Variants in ERMARD observed in about 807,000 individuals in gnomAD.
ERMARD encodes the protein ER membrane associated RNA degradation, also known as endoplasmic reticulum membrane-associated RNA degradation protein.
A neutral mutation model predicts 83.9 loss-of-function variants in ERMARD; 71 were observed. The ratio of observed to expected loss-of-function variants is 0.85; its 90% CI spans 0.70 to 1.03. ERMARD has a LOEUF of 1.03. Ranked by LOEUF, ERMARD falls within the 50% of genes least tolerant of loss-of-function variation. ERMARD has a pLI of 0.00. For missense variants in ERMARD, 838 were observed against 810.9 expected (o/e 1.03, Z -0.41); for synonymous variants, 284 against 298.6 (o/e 0.95, Z 0.50).
chr6:169,777,042 T>TGG (rs1230380583), intron 16 of ERMARD, among the ~76,000 whole-genome samples: 2 of 152,056 alleles, frequency 1.3e-5, no homozygotes, highest in Non-Finnish European at 2.9e-5. Context: ...AATACAAAGG[T>TGG]GGGGGCCTTC....
chr6:169,752,257 A>G (rs1304150628), intron 1 of ERMARD, among the ~76,000 whole-genome samples: 1 of 152,284 alleles, frequency 6.6e-6, no homozygotes, highest in South Asian at 2.1e-4. Context: ...TTTGAGTACT[A>G]TGTGCTAGAT....
At chr6:169,759,514 G>A (rs1791248800) in intron 6 of ERMARD, among the ~76,000 whole-genome samples, 1 of 152,172 alleles carries the variant, frequency 6.6e-6, no homozygotes, top group East Asian at 1.9e-4. Context: ...CCTCCTCCCA[G>A]GCTTAAGTGA....
intron 12 of ERMARD, among the ~76,000 whole-genome samples, chr6:169,772,727 G>T (rs910889283): frequency 2.7e-5 from 4 of 145,944 alleles, no homozygotes; most frequent in African/African-American, 1.0e-4. Flanking sequence ...CCGAGATCGC[G>T]CCAGTGCACT....
chr6:169,767,950 A>G (rs1161571200), intron 10 of ERMARD, 153 bp from the exon 11 acceptor site: 1 of 624,904 alleles, frequency 1.6e-6, no homozygotes, highest in Non-Finnish European at 2.9e-6. Flanking sequence ...TTTCCTGAAC[A>G]CCTGTTTGCT....
At chr6:169,773,059 A>T (rs4145078) in intron 12 of ERMARD, 2 of 378,154 alleles carry the variant, frequency 5.3e-6, no homozygotes, top group South Asian at 1.1e-4. Context: ...TTTCTTATTC[A>T]TCTCCAGTTT....
chr6:169,769,836 C>A, intron 12 of ERMARD, 123 bp downstream of exon 12: 1 of 883,880 alleles, frequency 1.1e-6, no homozygotes, highest in Non-Finnish European at 1.6e-6. Flanking sequence ...CAGTATCCTC[C>A]ATCAGAAAAA....
chr6:169,757,957 G>C (rs1327578581), intron 5 of ERMARD, among the ~76,000 whole-genome samples: 2 of 152,226 alleles, frequency 1.3e-5, no homozygotes, highest in African/African-American at 4.8e-5. Flanking sequence ...GGCCCCTTCA[G>C]CTGCCAGGTC....
In ERMARD at chr6:169,769,712, A is replaced by AGG. The variant is rs1792666934; in HGVS notation, c.1233_1233+1dup. ...GATGACTGTCTGCTATCAGTTTTTA[A>AGG]GGTAATTTATAGGGAAGAAAATCAT... is the stretch of plus-strand genomic sequence containing the variant. On this transcript the variant is annotated frameshift_variant and splice_region_variant, in exon 12 of 18. Coordinates refer to ENST00000366773, the MANE Select transcript of ERMARD (RefSeq NM_018341.3). LOFTEE classifies it high-confidence loss of function. The AGG allele has an allele frequency of 6.3e-7, 1 of 1,595,150 alleles. No individual in the cohort carries two copies. The highest frequency in any genetic ancestry group is 1.3e-5 in the African/African-American group (1 of 74,344).
intron 15 of ERMARD, 38 bp downstream of exon 15, chr6:169,776,103 G>T: frequency 6.2e-7 from 1 of 1,605,362 alleles, no homozygotes; most frequent in Non-Finnish European, 8.5e-7. Context: ...TTGAAACATT[G>T]ATTCAGCAGA....
Position 169,753,955 on chromosome 6 carries a change from A to T in ERMARD, c.98A>T (p.Asp33Val). The change falls in exon 2 of 18, where the codon GAT (aspartate) becomes GTT (valine). Residue 33 changes from aspartate to valine, a missense_variant. Transcript: ENST00000366773. ...NLGFQLRENC[D>V]INSIVTQNGE... Reference sequence around the variant, plus strand: ...GGGTTTCAACTCAGAGAAAATTGTGATATCAATAGCATTGTAACTCAGAAT... The same window carrying T: ...GGGTTTCAACTCAGAGAAAATTGTGTTATCAATAGCATTGTAACTCAGAAT... 6 of 1,613,816 alleles carry T rather than the reference A, an allele frequency of 3.7e-6. No homozygotes were observed. Among genetic ancestry groups the T allele is most frequent in the South Asian group, 1.1e-5 (1 of 91,042 alleles).
chr6:169,758,411 T>G (rs1201018737), intron 5 of ERMARD, among the ~76,000 whole-genome samples: 1 of 152,170 alleles, frequency 6.6e-6, no homozygotes, highest in Non-Finnish European at 1.5e-5. Context: ...ACTCTGTAGA[T>G]AGATGGTGGG....
chr6:169,771,934 A>ACC (rs1377100910), intron 12 of ERMARD: 1 of 152,216 alleles, frequency 6.6e-6, no homozygotes, highest in East Asian at 1.9e-4. Context: ...AATAGCTTGA[A>ACC]CACGGAAGGC....
chr6:169,755,531 C>A, intron 3 of ERMARD, 109 bp downstream of exon 3: 1 of 1,400,790 alleles, frequency 7.1e-7, no homozygotes, highest in Non-Finnish European at 9.7e-7. Context: ...GGCCCTCCAG[C>A]GGTGAAGTGT....
At chr6:169,752,358 A>G (rs1230132557) in intron 1 of ERMARD, among the ~76,000 whole-genome samples, 1 of 152,212 alleles carries the variant, frequency 6.6e-6, no homozygotes, top group Non-Finnish European at 1.5e-5. Flanking sequence ...CGATAAAGTA[A>G]CTTTTCCAAG....
At chr6:169,764,271 GTT>G (rs552299964) in intron 9 of ERMARD, among the ~76,000 whole-genome samples, 1 of 142,842 alleles carries the variant, frequency 7.0e-6, no homozygotes. Flanking sequence ...TTTTTTTTTG[GTT>G]TTTTTTTTTG....
intron 9 of ERMARD, among the ~76,000 whole-genome samples, chr6:169,764,853 A>G (rs918403296): frequency 3.3e-5 from 5 of 152,200 alleles, no homozygotes; most frequent in African/African-American, 1.2e-4. Flanking sequence ...CTGTGGCCAC[A>G]AAAGCGACCT....
intron 12 of ERMARD, chr6:169,772,937 A>G (rs1410329376): frequency 2.3e-5 from 4 of 176,768 alleles, no homozygotes; most frequent in South Asian, 3.6e-4. Context: ...TTTTTAAAAT[A>G]TGTATATGCT....
intron 8 of ERMARD, among the ~76,000 whole-genome samples, chr6:169,761,095 C>G (rs1791491280): frequency 6.6e-6 from 1 of 152,186 alleles, no homozygotes; most frequent in Non-Finnish European, 1.5e-5. Context: ...TCCTGAGGAG[C>G]AAACACATGT....
intron 10 of ERMARD, chr6:169,767,778 CACAG>C (rs1240341832): frequency 8.5e-6 from 3 of 352,732 alleles, no homozygotes; most frequent in African/African-American, 2.1e-5. Context: ...CACACACACA[CACAG>C]GCACAGTTGC....
Sources: gnomAD v4.1 joint callset for allele counts (sites outside exome capture counted in the v4.1 genomes callset) on GRCh38, gnomAD v4.1.1 for gene constraint, MANE v1.5 for transcripts, NCBI Gene and HGNC (gene_info 2026-07-23, HGNC 2026-07-21) for gene names.